MOCOS: variants seen among roughly 807,000 people sequenced by gnomAD.
MOCOS encodes the protein molybdenum cofactor sulfurase, also known as human molybdenum cofactor sulfurase.
Under a neutral mutation model 83.6 loss-of-function variants are expected in MOCOS, and 86 were observed. The ratio of observed to expected loss-of-function variants is 1.03; its 90% CI spans 0.86 to 1.23. The LOEUF is 1.23. Among genes scored for constraint, MOCOS ranks in the 50% most tolerant of loss-of-function variants. MOCOS has a pLI of 0.00. For synonymous variants in MOCOS, 445 were observed against 434.7 expected, an observed-to-expected ratio of 1.02 and a Z score of -0.29; for missense variants, 1,120 against 1,126.9, an observed-to-expected ratio of 0.99 and a Z score of 0.09.
intron 9 of MOCOS, among the ~76,000 whole-genome samples, chr18:36,230,517 A>G (rs980533024): frequency 2.6e-5 from 4 of 152,190 alleles, no homozygotes; most frequent in African/African-American, 9.6e-5. Context: ...CCTTAGGATA[A>G]TCAGGCAACT....
chr18:36,256,801 TGA>T, intron 11 of MOCOS, 165 bp from the exon 12 acceptor site: 1 of 665,680 alleles, frequency 1.5e-6, no homozygotes, highest in Non-Finnish European at 2.7e-6. Flanking sequence ...GCCTCTTTAT[TGA>T]GAGATATGCA....
chr18:36,195,386 TGCA>T (rs1568048062), intron 2 of MOCOS, 40 bp downstream of exon 2: 1 of 1,502,162 alleles, frequency 6.7e-7, no homozygotes, highest in East Asian at 2.3e-5. Flanking sequence ...GTCAACTACA[TGCA>T]GCTGATATAC....
chr18:36,243,490 G>A (rs1256245210), intron 9 of MOCOS, among the ~76,000 whole-genome samples: 1 of 152,108 alleles, frequency 6.6e-6, no homozygotes, highest in African/African-American at 2.4e-5. Flanking sequence ...TTATCTTTAT[G>A]ATATGCTGTT....
intron 14 of MOCOS, among the ~76,000 whole-genome samples, chr18:36,267,470 C>T (rs1018171804): frequency 2.6e-5 from 4 of 152,198 alleles, no homozygotes; most frequent in African/African-American, 9.7e-5. Context: ...ATAATGCAAA[C>T]ACTGTATCTA....
chr18:36,247,135 G>C (rs539610678), intron 9 of MOCOS, among the ~76,000 whole-genome samples: 1 of 152,218 alleles, frequency 6.6e-6, no homozygotes, highest in South Asian at 2.1e-4. Context: ...AGAGACATGG[G>C]GGAAAGCTGG....
intron 9 of MOCOS, among the ~76,000 whole-genome samples, chr18:36,235,817 G>A (rs1266902345): frequency 2.5e-4 from 36 of 145,956 alleles, no homozygotes; most frequent in African/African-American, 8.4e-4. Context: ...TTTAATGATT[G>A]CCATTCTAAC....
chr18:36,230,712 C>G (rs1033913252), intron 9 of MOCOS, among the ~76,000 whole-genome samples: 1 of 152,178 alleles, frequency 6.6e-6, no homozygotes, highest in Non-Finnish European at 1.5e-5. Context: ...AGCCCCTTCT[C>G]TTCCCTGAGT....
chr18:36,264,857 CTT>C (rs1276669754), intron 13 of MOCOS, among the ~76,000 whole-genome samples: 2 of 151,988 alleles, frequency 1.3e-5, no homozygotes, highest in Non-Finnish European at 2.9e-5. Context: ...TAATTGAAAA[CTT>C]TTCCCAATTA....
At chr18:36,248,632 G>A (rs2091610986) in intron 9 of MOCOS, among the ~76,000 whole-genome samples, 1 of 152,154 alleles carries the variant, frequency 6.6e-6, no homozygotes, top group Admixed American at 6.5e-5. Flanking sequence ...GTGAAAAATA[G>A]GGGTCTAGTT....
intron 12 of MOCOS, among the ~76,000 whole-genome samples, chr18:36,258,412 G>A (rs1203323704): frequency 1.2e-4 from 18 of 152,132 alleles, no homozygotes; most frequent in Admixed American, 9.8e-4. Flanking sequence ...CCAGAGAGTT[G>A]ATCCAGAATC....
chr18:36,238,360 C>T (rs1341072169), intron 9 of MOCOS, among the ~76,000 whole-genome samples: 1 of 151,116 alleles, frequency 6.6e-6, no homozygotes, highest in African/African-American at 2.4e-5. Flanking sequence ...TTTCAAAGAA[C>T]ATCTTTATTT....
intron 8 of MOCOS, among the ~76,000 whole-genome samples, chr18:36,218,096 G>C (rs535792984): frequency 1.2e-4 from 19 of 152,306 alleles, no homozygotes; most frequent in African/African-American, 4.6e-4. Flanking sequence ...CCAGAGATAT[G>C]GTGGAAGGAG....
intron 13 of MOCOS, among the ~76,000 whole-genome samples, chr18:36,261,165 A>G (rs894357335): frequency 6.6e-6 from 1 of 152,090 alleles, no homozygotes; most frequent in African/African-American, 2.4e-5. Context: ...TCTGTTCTTT[A>G]GTGGGGGCTG....
At chr18:36,253,710 C>T (rs941255029) in intron 11 of MOCOS, among the ~76,000 whole-genome samples, 5 of 149,370 alleles carry the variant, frequency 3.3e-5, no homozygotes, top group Admixed American at 6.7e-5. Context: ...CAGTCACAGG[C>T]GGGATGGTTA....
At chr18:36,246,709 G>A (rs1309571852) in intron 9 of MOCOS, among the ~76,000 whole-genome samples, 1 of 152,214 alleles carries the variant, frequency 6.6e-6, no homozygotes, top group African/African-American at 2.4e-5. Flanking sequence ...TGTTGCAGGT[G>A]GTGAAATTAG....
At chr18:36,262,924 A>G (rs891172548) in intron 13 of MOCOS, among the ~76,000 whole-genome samples, 10 of 152,198 alleles carry the variant, frequency 6.6e-5, no homozygotes, top group Admixed American at 5.9e-4. Context: ...GCCTAGGCAA[A>G]ACAGCAAGAC....
At chr18:36,256,734 C>T (rs906682992) in intron 11 of MOCOS, 1 of 454,798 alleles carries the variant, frequency 2.2e-6, no homozygotes, top group Admixed American at 3.1e-5. Context: ...CTGTGCCCAG[C>T]CCTTATTGTT....
chr18:36,198,639 AGAAGC>A (rs747628263), intron 2 of MOCOS, 46 bp from the exon 3 acceptor site: 3 of 1,581,530 alleles, frequency 1.9e-6, no homozygotes, highest in African/African-American at 2.7e-5. Context: ...GGAACACAAA[AGAAGC>A]GACCCTAAGT....
At chr18:36,241,534 C>T (rs550746574) in intron 9 of MOCOS, among the ~76,000 whole-genome samples, 57 of 152,280 alleles carry the variant, frequency 3.7e-4, no homozygotes, top group African/African-American at 1.4e-3. Context: ...TGGGGCTTTT[C>T]CAGGTGCAAA....
Sources: gnomAD v4.1 joint callset for allele counts (sites outside exome capture counted in the v4.1 genomes callset) on GRCh38, gnomAD v4.1.1 for gene constraint, MANE v1.5 for transcripts, NCBI Gene and HGNC (gene_info 2026-07-23, HGNC 2026-07-21) for gene names.